PCDHA8: variants seen among roughly 807,000 people sequenced by gnomAD.
The protein encoded by PCDHA8 is protocadherin alpha-8.
Under a neutral mutation model 61.8 loss-of-function variants are expected in PCDHA8, and 53 were observed. That is an observed-to-expected ratio of 0.86 (90% confidence interval 0.69 to 1.08). PCDHA8 has a LOEUF of 1.08. Ranked by LOEUF, PCDHA8 falls within the 50% of genes least tolerant of loss-of-function variation. The pLI is 0.00. For synonymous variants in PCDHA8, 618 were observed against 556.6 expected, an observed-to-expected ratio of 1.11 and a Z score of -1.55; for missense variants, 1,293 against 1,245.0, an observed-to-expected ratio of 1.04 and a Z score of -0.58.
intron 1 of PCDHA8, chr5:140,967,025 C>A: frequency 1.2e-6 from 2 of 1,608,362 alleles, no homozygotes; most frequent in Non-Finnish European, 8.5e-7. Flanking sequence ...TGCGCCCAGT[C>A]CGCGCTACCT....
intron 1 of PCDHA8, among the ~76,000 whole-genome samples, chr5:140,977,853 C>T (rs2096777992): frequency 6.6e-6 from 1 of 152,212 alleles, no homozygotes; most frequent in Admixed American, 6.5e-5. Context: ...GGCTTTGTTT[C>T]TACCAAATAT....
Position 140,842,267 on chromosome 5 carries a change from T to C in PCDHA8, c.946T>C (p.Tyr316His), listed in dbSNP as rs2150333098. The stretch of plus-strand genomic sequence containing the variant: ...TTTGGATTTTGAACAAGAAAACTTA[T>C]ACAAAATCCTCATTGACGCCACGGA... ...GNLDFEQENLYKILIDATDKG... is the reference protein window; with the variant it reads ...GNLDFEQENLHKILIDATDKG... Residue 316 changes from tyrosine to histidine, a missense_variant, in exon 1 of 4, where the codon TAC becomes CAC. Physicochemically the swap from Tyr to His is moderately conservative, Grantham distance 83 (BLOSUM62 2). Coordinates refer to ENST00000531613, the MANE Select transcript of PCDHA8 (RefSeq NM_018911.3). 6.8e-6 allele frequency: 11 copies of C among 1,610,674 alleles called. No individual in the cohort carries two copies. The highest frequency in any genetic ancestry group is 5.3e-5 in the African/African-American group (4 of 74,814).
chr5:140,951,603 T>G (rs1056623799), intron 1 of PCDHA8, among the ~76,000 whole-genome samples: 2 of 152,094 alleles, frequency 1.3e-5, no homozygotes, highest in African/African-American at 4.8e-5. Flanking sequence ...CTCACTGTTA[T>G]GAGAATAGCA....
chr5:140,968,608 T>A, intron 1 of PCDHA8: 1 of 1,614,242 alleles, frequency 6.2e-7, no homozygotes, highest in Non-Finnish European at 8.5e-7. Flanking sequence ...ACTCAGACTC[T>A]GGGCAAAATG....
intron 1 of PCDHA8, among the ~76,000 whole-genome samples, chr5:140,902,554 A>AT (rs1414683182): frequency 6.6e-6 from 1 of 151,896 alleles, no homozygotes; most frequent in East Asian, 1.9e-4. Context: ...CTATACCCAG[A>AT]TTTTTGAGGG....
Position 140,857,808 on chromosome 5 carries a change from G to A in PCDHA8, c.2394+14093G>A. ...CTGGTGCTGCGGTCGGTGGTTGCGG[G>A]TCACGTGGTGGCTAAGGTGCGCGCA... On this transcript the variant is annotated intron_variant, in intron 1 of 3. Coordinates refer to ENST00000531613, the MANE Select transcript of PCDHA8 (RefSeq NM_018911.3). The A allele has an allele frequency of 4.4e-6, 7 of 1,597,848 alleles. 1 individual carries two copies. The highest frequency in any genetic ancestry group is 6.0e-6 in the Non-Finnish European group (7 of 1,167,652).
chr5:140,936,780 T>C (rs2091148034), intron 1 of PCDHA8, among the ~76,000 whole-genome samples: 1 of 152,224 alleles, frequency 6.6e-6, no homozygotes, highest in Non-Finnish European at 1.5e-5. Flanking sequence ...TCTCTCACTT[T>C]GTTATTCTGC....
chr5:140,871,716 C>G (rs1315028077), intron 1 of PCDHA8: 6 of 796,846 alleles, frequency 7.5e-6, no homozygotes, highest in Non-Finnish European at 1.1e-5. Flanking sequence ...TGTCCTATTT[C>G]TCTTAATATT....
chr5:140,882,391 C>T, intron 1 of PCDHA8: 2 of 1,614,214 alleles, frequency 1.2e-6, no homozygotes, highest in Non-Finnish European at 8.5e-7. Context: ...AAGCAAAACA[C>T]GGCACCTTCG....
chr5:141,001,529 A>T (rs1344687772), intron 3 of PCDHA8, among the ~76,000 whole-genome samples: 1 of 152,106 alleles, frequency 6.6e-6, no homozygotes, highest in Non-Finnish European at 1.5e-5. Context: ...TCTCTCTCTG[A>T]TCCTGGACAG....
chr5:140,967,837 C>T (rs2096189054), intron 1 of PCDHA8: 4 of 1,613,994 alleles, frequency 2.5e-6, no homozygotes, highest in African/African-American at 2.7e-5. Context: ...ACATCGTGGA[C>T]GTGAATGACA....
At chr5:140,868,600 T>C (rs2050538799) in intron 1 of PCDHA8, 1 of 153,224 alleles carries the variant, frequency 6.5e-6, no homozygotes, top group African/African-American at 2.4e-5. Context: ...CCCTAGTTTT[T>C]CATGAGGCCA....
intron 1 of PCDHA8, chr5:140,871,371 G>T: frequency 6.2e-7 from 1 of 1,614,202 alleles, no homozygotes; most frequent in Non-Finnish European, 8.5e-7. Context: ...GGCGGCAGAG[G>T]GTGTGCTCTG....
At chr5:140,884,995 T>C (rs1168400289) in intron 1 of PCDHA8, among the ~76,000 whole-genome samples, 1 of 152,228 alleles carries the variant, frequency 6.6e-6, no homozygotes, top group African/African-American at 2.4e-5. Context: ...AAAATGTTTG[T>C]TTTAATGAGG....
chr5:141,003,044 T>C (rs1459180030), intron 3 of PCDHA8, among the ~76,000 whole-genome samples: 1 of 152,230 alleles, frequency 6.6e-6, no homozygotes, highest in African/African-American at 2.4e-5. Flanking sequence ...CCTCCTGGCC[T>C]TAACAGAACA....
In PCDHA8 at chr5:140,858,521, A is replaced by G. The variant is rs782589492; in HGVS notation, c.2394+14806A>G. On this transcript the variant is annotated intron_variant, in intron 1 of 3. Transcript: ENST00000531613. Reference sequence around the variant, plus strand: ...CATTTTCTCAAATATGTATCAGAATATTTCATTTTTGTCTACATTCCATTT... The same window carrying G: ...CATTTTCTCAAATATGTATCAGAATGTTTCATTTTTGTCTACATTCCATTT... 1.4e-6 allele frequency: 2 copies of G among 1,420,880 alleles called. 1 individual carries two copies. Among genetic ancestry groups the G allele is most frequent in the Non-Finnish European group, 1.9e-6 (2 of 1,028,816 alleles). 88.0% of individuals were successfully genotyped at this position (1,420,880 alleles called of 1,614,324 possible).
At chr5:140,848,269 G>T in intron 1 of PCDHA8, 1 of 502,308 alleles carries the variant, frequency 2.0e-6, no homozygotes, top group Non-Finnish European at 3.5e-6. Context: ...TTTTATTCAT[G>T]AAATATGTAC....
chr5:140,858,790 A>G, intron 1 of PCDHA8: 1 of 388,116 alleles, frequency 2.6e-6, no homozygotes, highest in Non-Finnish European at 4.7e-6. Context: ...ATGTTATTTC[A>G]TTTCCAATCT....
At chr5:140,871,350 C>G (rs782168219) in intron 1 of PCDHA8, 1 of 1,614,194 alleles carries the variant, frequency 6.2e-7, no homozygotes, top group East Asian at 2.2e-5. Context: ...GCTGGTCATA[C>G]TCGCAGCAGA....
Sources: gnomAD v4.1 joint callset for allele counts (sites outside exome capture counted in the v4.1 genomes callset) on GRCh38, gnomAD v4.1.1 for gene constraint, MANE v1.5 for transcripts, NCBI Gene and HGNC (gene_info 2026-07-23, HGNC 2026-07-21) for gene names.